The following GALNT17 variants were observed in gnomAD, a reference collection of about 807,000 sequenced individuals.
GALNT17 encodes UDP-GalNAc:polypeptide N-acetylgalactosaminyltransferase-like 3.
GALNT17 carries 29 observed loss-of-function variants against 63.7 expected under a neutral mutation model. The ratio of observed to expected loss-of-function variants is 0.46; its 90% CI spans 0.34 to 0.62. The LOEUF is 0.62. Among genes scored for constraint, GALNT17 ranks in the 20% least tolerant of loss-of-function variants. GALNT17 has a pLI of 0.01. For missense variants in GALNT17, 603 were observed against 799.6 expected (o/e 0.75, Z 2.97); for synonymous variants, 305 against 318.3 (o/e 0.96, Z 0.45).
chr7:71,692,888 G>A (rs368761134), intron 9 of GALNT17, among the ~76,000 whole-genome samples: 186 of 151,504 alleles, frequency 1.2e-3, no homozygotes, highest in Non-Finnish European at 2.1e-3. Flanking sequence ...ACAGGTGCCC[G>A]CCACCACACT....
intron 1 of GALNT17, among the ~76,000 whole-genome samples, chr7:71,240,579 C>T (rs961855320): frequency 6.6e-6 from 1 of 152,196 alleles, no homozygotes; most frequent in African/African-American, 2.4e-5. Context: ...CCTCCAGCTG[C>T]ATCCAGGTTG....
At chr7:71,188,079 A>C (rs138317804) in intron 1 of GALNT17, among the ~76,000 whole-genome samples, 32 of 152,328 alleles carry the variant, frequency 2.1e-4, no homozygotes, top group African/African-American at 5.8e-4. Context: ...TTTATGACTG[A>C]GTAGTATTCC....
intron 2 of GALNT17, among the ~76,000 whole-genome samples, chr7:71,375,807 G>C (rs1379385510): frequency 6.6e-6 from 1 of 152,216 alleles, no homozygotes; most frequent in Non-Finnish European, 1.5e-5. Context: ...GTGGGGCTCA[G>C]CTTTCCTTGG....
chr7:71,534,862 G>A (rs1788779179), intron 5 of GALNT17, among the ~76,000 whole-genome samples: 1 of 152,118 alleles, frequency 6.6e-6, no homozygotes, highest in Non-Finnish European at 1.5e-5. Context: ...ACAATCTCAG[G>A]CATGTTGTAA....
intron 1 of GALNT17, among the ~76,000 whole-genome samples, chr7:71,253,171 C>T (rs1430058491): frequency 2.0e-5 from 3 of 152,174 alleles, no homozygotes; most frequent in African/African-American, 7.2e-5. Context: ...TGTTTTCATG[C>T]TGTTGATAAA....
At position 71,412,775 on chromosome 7, in the gene GALNT17, G is replaced by A. The variant is rs1167399682; in HGVS notation, c.590-3114G>A. 2.0e-5 allele frequency among the ~76,000 whole-genome samples: 3 copies of A among 152,096 alleles called. No homozygotes were observed. In the East Asian group the frequency reaches 5.8e-4, roughly 29 times the overall value. On this transcript the variant is annotated intron_variant, in intron 3 of 10. Transcript: ENST00000333538. Reference sequence around the variant, plus strand: ...CAATCTTATCTGGCTAAGTGTGGTGGCTCACGCCTGTAATCCTAGCACTTT... The same window carrying A: ...CAATCTTATCTGGCTAAGTGTGGTGACTCACGCCTGTAATCCTAGCACTTT...
intron 5 of GALNT17, among the ~76,000 whole-genome samples, chr7:71,478,264 T>C (rs1787756835): frequency 6.6e-6 from 1 of 152,104 alleles, no homozygotes; most frequent in Non-Finnish European, 1.5e-5. Context: ...ATGATCACTC[T>C]CCTTATGTTT....
chr7:71,706,398 T>C (rs1317970768), intron 9 of GALNT17, among the ~76,000 whole-genome samples: 1 of 152,176 alleles, frequency 6.6e-6, no homozygotes, highest in African/African-American at 2.4e-5. Context: ...GCATTTAGCT[T>C]CCCTCTTTAA....
intron 1 of GALNT17, among the ~76,000 whole-genome samples, chr7:71,213,485 A>G (rs1444857898): frequency 5.9e-5 from 9 of 152,168 alleles, no homozygotes; most frequent in Non-Finnish European, 1.5e-5. Context: ...TCTGGTTTGC[A>G]ATTTTCGGTG....
chr7:71,669,920 C>A, intron 7 of GALNT17, 52 bp from the exon 8 acceptor site: 1 of 1,603,862 alleles, frequency 6.2e-7, no homozygotes, highest in Non-Finnish European at 8.5e-7. Context: ...GTGCCCCACT[C>A]TGGCCAGAGC....
intron 5 of GALNT17, among the ~76,000 whole-genome samples, chr7:71,541,723 G>T (rs2116807637): frequency 6.6e-6 from 1 of 152,248 alleles, no homozygotes; most frequent in South Asian, 2.1e-4. Context: ...ACAATGTAAG[G>T]AGATTGGAAC....
Position 71,478,427 on chromosome 7 carries a change from C to T in GALNT17, c.962+57322C>T, listed in dbSNP as rs532124553. Reference sequence around the variant, plus strand: ...CTCACAGGCTCAAGCAATCCTCCCCCCTCAGCCTCCCAAGTAGCTGGAACC... The same window carrying T: ...CTCACAGGCTCAAGCAATCCTCCCCTCTCAGCCTCCCAAGTAGCTGGAACC... On this transcript the variant is annotated intron_variant, in intron 5 of 10. Coordinates refer to ENST00000333538, the MANE Select transcript of GALNT17 (RefSeq NM_022479.3). Among the ~76,000 whole-genome samples, 5 of 152,082 alleles carry T rather than the reference C, an allele frequency of 3.3e-5. 1 individual carries two copies. In the South Asian group the frequency reaches 1.0e-3, roughly 32 times the overall value.
At chr7:71,697,635 T>A (rs145881589) in intron 9 of GALNT17, among the ~76,000 whole-genome samples, 63 of 152,298 alleles carry the variant, frequency 4.1e-4, no homozygotes, top group African/African-American at 1.0e-3. Flanking sequence ...ACAGTGAGCA[T>A]CATCATACCA....
intron 5 of GALNT17, among the ~76,000 whole-genome samples, chr7:71,556,990 A>T (rs1789174513): frequency 6.6e-6 from 1 of 151,616 alleles, no homozygotes; most frequent in South Asian, 2.1e-4. Flanking sequence ...GGGCTCAAGC[A>T]ATCCTCCCTC....
chr7:71,469,239 A>T (rs1329773833), intron 5 of GALNT17, among the ~76,000 whole-genome samples: 1 of 152,170 alleles, frequency 6.6e-6, no homozygotes, highest in Non-Finnish European at 1.5e-5. Context: ...GGTGTAAAAG[A>T]AAGTTCTGGA....
At chr7:71,665,651 A>G in intron 7 of GALNT17, 55 bp downstream of exon 7, 3 of 1,543,006 alleles carry the variant, frequency 1.9e-6, no homozygotes, top group Non-Finnish European at 2.6e-6. Context: ...TTACTGTTTG[A>G]TCACTATTTA....
At chr7:71,481,576 C>T (rs1787818274) in intron 5 of GALNT17, among the ~76,000 whole-genome samples, 1 of 152,112 alleles carries the variant, frequency 6.6e-6, no homozygotes, top group Non-Finnish European at 1.5e-5. Context: ...AAGAGGGATA[C>T]CTATGGGAGA....
At chr7:71,301,782 T>C (rs748124953) in intron 1 of GALNT17, among the ~76,000 whole-genome samples, 1 of 152,112 alleles carries the variant, frequency 6.6e-6, no homozygotes, top group Non-Finnish European at 1.5e-5. Context: ...TAAAAATGAA[T>C]AATGTAAAGG....
At chr7:71,276,546 G>A (rs900647301) in intron 1 of GALNT17, among the ~76,000 whole-genome samples, 1 of 152,158 alleles carries the variant, frequency 6.6e-6, no homozygotes, top group South Asian at 2.1e-4. Flanking sequence ...TAAGTCTTAT[G>A]AGATCTGATG....
Sources: allele counts gnomAD v4.1 joint callset (sites outside exome capture counted in the v4.1 genomes callset), GRCh38; gene constraint gnomAD v4.1.1; transcripts MANE v1.5; gene names NCBI Gene and HGNC (gene_info 2026-07-23, HGNC 2026-07-21).